Variants in TBC1D31 observed in about 807,000 individuals in gnomAD.
TBC1D31 encodes TBC1 domain family member 31.
Under a neutral mutation model 132.9 loss-of-function variants are expected in TBC1D31, and 99 were observed. The ratio of observed to expected loss-of-function variants is 0.74; its 90% CI spans 0.63 to 0.88. TBC1D31 has a LOEUF of 0.88. Among genes scored for constraint, TBC1D31 ranks in the 40% least tolerant of loss-of-function variants. The pLI, the probability that TBC1D31 is intolerant of heterozygous loss-of-function variation, is 0.00. For synonymous variants in TBC1D31, 385 were observed against 419.4 expected, an observed-to-expected ratio of 0.92 and a Z score of 1.00; for missense variants, 1,134 against 1,256.6, an observed-to-expected ratio of 0.90 and a Z score of 1.48.
chr8:123,077,227 A>G lies in TBC1D31; in HGVS notation c.194A>G (p.Asn65Ser). ...DCLIAGDHQG[N>S]IYVFDLHGNR... ...TTAATTGCTGGGGACCACCAAGGAA[A>G]TATTTATGTTTTTGACTTACATGGA... The change falls in exon 2 of 22, where the codon AAT (asparagine) becomes AGT (serine). Residue 65 changes from asparagine (N) to serine (S), a missense_variant. Asn to Ser is a conservative substitution (Grantham distance 46). Transcript: ENST00000287380. 1 of 1,612,144 alleles carries G rather than the reference A, an allele frequency of 6.2e-7. No individual in the cohort carries two copies. The highest frequency in any genetic ancestry group is 1.1e-5 in the South Asian group (1 of 90,518).
the TBC1D31 span, among the ~76,000 whole-genome samples, chr8:123,160,917 C>T: frequency 2.0e-5 from 3 of 152,224 alleles, no homozygotes; most frequent in African/African-American, 4.8e-5. Context: ...GCGATGAGGT[C>T]CCGCTCCTGC....
At chr8:123,136,207 A>G (rs1821076169) in intron 17 of TBC1D31, among the ~76,000 whole-genome samples, 2 of 152,212 alleles carry the variant, frequency 1.3e-5, no homozygotes, top group Admixed American at 1.3e-4. Context: ...TGTATCCAAA[A>G]TGTCCTTTAG....
In TBC1D31 at chr8:123,128,264, A is replaced by G. The variant is rs767686037; in HGVS notation, c.1885-17A>G. On this transcript the variant is annotated splice_polypyrimidine_tract_variant and intron_variant, in intron 13 of 21. Transcript: ENST00000287380. ...TTGTCAGGTAAATCTCGATTTAAAC[A>G]CCAAGTTTTCTTACAGTTTTTTTTT... is the stretch of plus-strand genomic sequence containing the variant. 3 of 1,397,894 alleles carry G rather than the reference A, an allele frequency of 2.1e-6. No homozygotes were observed. The highest frequency in any genetic ancestry group is 4.6e-5 in the East Asian group (2 of 43,588). 86.6% of individuals were successfully genotyped at this position (1,397,894 alleles called of 1,614,324 possible).
chr8:123,120,687 A>AT (rs1421972670), intron 11 of TBC1D31, among the ~76,000 whole-genome samples: 1 of 152,098 alleles, frequency 6.6e-6, no homozygotes, highest in Non-Finnish European at 1.5e-5. Flanking sequence ...AATAAAAATA[A>AT]AATAATAATA....
At chr8:123,134,926 G>A (rs895658932) in intron 17 of TBC1D31, among the ~76,000 whole-genome samples, 3 of 152,174 alleles carry the variant, frequency 2.0e-5, no homozygotes, top group Non-Finnish European at 4.4e-5. Flanking sequence ...TTTTGAGACA[G>A]TCTTACTCAG....
chr8:123,126,277 A>G, intron 12 of TBC1D31, 88 bp downstream of exon 12: 2 of 1,451,644 alleles, frequency 1.4e-6, no homozygotes, highest in Non-Finnish European at 1.9e-6. Flanking sequence ...TTGAAGGAGT[A>G]TAATAAAAAG....
At chr8:123,073,096 G>A (rs1814077828) in intron 1 of TBC1D31, among the ~76,000 whole-genome samples, 1 of 152,172 alleles carries the variant, frequency 6.6e-6, no homozygotes, top group Admixed American at 6.5e-5. Flanking sequence ...TCAGACCTGG[G>A]AACTTGCGGC....
chr8:123,085,859 G>T (rs1035790208), intron 4 of TBC1D31, among the ~76,000 whole-genome samples: 14 of 152,002 alleles, frequency 9.2e-5, no homozygotes, highest in Non-Finnish European at 2.1e-4. Context: ...GAAACATATG[G>T]TATATAGGCC....
In TBC1D31 at chr8:123,109,518, C is replaced by T. The variant is rs1818256776; in HGVS notation, c.1334C>T (p.Thr445Ile). 1 of 1,613,770 alleles carries T rather than the reference C, an allele frequency of 6.2e-7. No homozygotes were observed. Among genetic ancestry groups the T allele is most frequent in the African/African-American group, 1.3e-5 (1 of 74,876 alleles). Residue 445 changes from threonine (T) to isoleucine (I), a missense_variant, in exon 10 of 22, where the codon ACT becomes ATT. Transcript: ENST00000287380. ...RSLLQLPENHTAFSTLIDKGT... is the reference protein window; with the variant it reads ...RSLLQLPENHIAFSTLIDKGT... ...CTGCTACAACTGCCTGAAAATCATA[C>T]TGCGTTTAGTACCCTCATAGATAAG...
intron 8 of TBC1D31, among the ~76,000 whole-genome samples, chr8:123,105,845 C>T (rs1223350940): frequency 6.6e-6 from 1 of 152,158 alleles, no homozygotes; most frequent in African/African-American, 2.4e-5. Context: ...TGAACTTTCA[C>T]AAAATGTACA....
At chr8:123,148,096 C>T (rs1822406585) in intron 20 of TBC1D31, among the ~76,000 whole-genome samples, 1 of 149,772 alleles carries the variant, frequency 6.7e-6, no homozygotes, top group African/African-American at 2.5e-5. Context: ...CACTGCACTC[C>T]AGCCTGGGCG....
Position 123,072,756 on chromosome 8 carries a change from G to T in TBC1D31, c.-14G>T. 1 of 1,556,350 alleles carries T rather than the reference G, an allele frequency of 6.4e-7. No homozygotes were observed. Among genetic ancestry groups the T allele is most frequent in the Non-Finnish European group, 8.7e-7 (1 of 1,150,160 alleles). ...TACCCAGCGGGCCGCCGGCGGTCGT[G>T]GGCAAGCTTCGCCATGCAGAGCACT... On this transcript the variant is annotated 5_prime_UTR_variant, in exon 1 of 22. Coordinates refer to ENST00000287380, the MANE Select transcript of TBC1D31 (RefSeq NM_145647.4).
intron 18 of TBC1D31, 136 bp from the exon 19 acceptor site, chr8:123,142,126 C>T (rs1821765127): frequency 1.9e-6 from 1 of 528,164 alleles, no homozygotes; most frequent in Non-Finnish European, 3.1e-6. Context: ...TTATTTTAAA[C>T]ACTCCCAGGT....
chr8:123,075,480 G>A (rs1814406612), intron 1 of TBC1D31, among the ~76,000 whole-genome samples: 1 of 152,148 alleles, frequency 6.6e-6, no homozygotes, highest in African/African-American at 2.4e-5. Flanking sequence ...AAGGTGGGAG[G>A]ATCACGAGGT....
At chr8:123,101,179 C>T (rs1054962227) in intron 7 of TBC1D31, 172 bp downstream of exon 7, 3 of 524,384 alleles carry the variant, frequency 5.7e-6, no homozygotes, top group Non-Finnish European at 1.0e-5. Flanking sequence ...TGATTTCTCA[C>T]GTATGCTCCA....
intron 16 of TBC1D31, among the ~76,000 whole-genome samples, chr8:123,131,255 G>A (rs893420608): frequency 7.3e-5 from 11 of 150,448 alleles, no homozygotes; most frequent in African/African-American, 2.5e-4. Flanking sequence ...TCCCAGCTAC[G>A]CAGGAGGCTG....
chr8:123,084,586 AT>A (rs1186960343), intron 4 of TBC1D31, among the ~76,000 whole-genome samples: 11 of 152,282 alleles, frequency 7.2e-5, no homozygotes, highest in African/African-American at 2.6e-4. Flanking sequence ...TATTTAGTTG[AT>A]TGCTTTTGTT....
At position 123,130,322 on chromosome 8, in the gene TBC1D31, A is replaced by G; in HGVS notation, c.2395A>G (p.Ile799Val). 1 of 1,611,012 alleles carries G rather than the reference A, an allele frequency of 6.2e-7. No homozygotes were observed. Among genetic ancestry groups the G allele is most frequent in the Non-Finnish European group, 8.5e-7 (1 of 1,178,592 alleles). ...GGAACTAAGAAGACTGGATGATGAA[A>G]TTGGGAGAAAGGTTTATTATTCTTA... The part of the protein sequence containing the change: ...EMELRRLDDE[I>V]GRKVYMRDRE... Residue 799 changes from isoleucine (I) to valine (V), a missense_variant, in exon 16 of 22, where the codon ATT becomes GTT. Ile to Val is a conservative substitution (Grantham distance 29). Transcript: ENST00000287380.
chr8:123,097,234 T>TGACAGAACGG, intron 5 of TBC1D31, 48 bp from the exon 6 acceptor site: 1 of 1,606,928 alleles, frequency 6.2e-7, no homozygotes, highest in Non-Finnish European at 8.5e-7. Context: ...ACAGTGCTGC[T>TGACAGAACGG]ACAAACAATT....
Sources: gnomAD v4.1 joint callset for allele counts (sites outside exome capture counted in the v4.1 genomes callset) on GRCh38, gnomAD v4.1.1 for gene constraint, MANE v1.5 for transcripts, NCBI Gene and HGNC (gene_info 2026-07-23, HGNC 2026-07-21) for gene names.